AFG2A: variants seen among roughly 807,000 people sequenced by gnomAD.
AFG2A encodes ATPase family gene 2 protein homolog A.
chr4:123,036,006 A>G, the AFG2A span, among the ~76,000 whole-genome samples: 6 of 152,144 alleles, frequency 3.9e-5, no homozygotes, highest in African/African-American at 1.2e-4. Context: ...TTCTATCTCA[A>G]TTCCTTTTTG....
the AFG2A span, among the ~76,000 whole-genome samples, chr4:123,010,034 G>A: frequency 6.6e-6 from 1 of 152,064 alleles, no homozygotes; most frequent in African/African-American, 2.4e-5. Flanking sequence ...GAAGCCAGAA[G>A]GGAGAACAGT....
At chr4:122,941,063 G>A in the AFG2A span, among the ~76,000 whole-genome samples, 3 of 149,996 alleles carry the variant, frequency 2.0e-5, no homozygotes, top group African/African-American at 7.3e-5. Context: ...AAGTCAGGTA[G>A]CATGATGCCT....
chr4:123,031,507 C>T, the AFG2A span, among the ~76,000 whole-genome samples: 4 of 152,142 alleles, frequency 2.6e-5, no homozygotes, highest in African/African-American at 4.8e-5. Flanking sequence ...TTTTGTTCAA[C>T]CCAAATGTTT....
chr4:123,311,308 A>T, the AFG2A span, among the ~76,000 whole-genome samples: 1 of 152,120 alleles, frequency 6.6e-6, no homozygotes, highest in Non-Finnish European at 1.5e-5. Context: ...CCACCACAAA[A>T]CAACAACTTA....
At chr4:123,095,045 ATATATATAT>A in the AFG2A span, among the ~76,000 whole-genome samples, 1 of 84,326 alleles carries the variant, frequency 1.2e-5, no homozygotes, top group South Asian at 4.0e-4. Context: ...AAAAAAAAAT[ATATATATAT>A]ATATATATAT....
At chr4:123,018,844 A>G in the AFG2A span, among the ~76,000 whole-genome samples, 4 of 150,734 alleles carry the variant, frequency 2.7e-5, no homozygotes, top group Non-Finnish European at 5.9e-5. Context: ...GGGTTTCACC[A>G]TGTTGGCCAG....
the AFG2A span, among the ~76,000 whole-genome samples, chr4:123,246,321 G>A: frequency 2.6e-5 from 4 of 152,090 alleles, no homozygotes; most frequent in African/African-American, 9.7e-5. Context: ...TTAGGGCCTC[G>A]AAATTGTATT....
chr4:123,227,233 T>G, the AFG2A span, among the ~76,000 whole-genome samples: 1 of 152,144 alleles, frequency 6.6e-6, no homozygotes, highest in Admixed American at 6.5e-5. Context: ...TGATCTTAGT[T>G]ATTTCTTGCC....
At chr4:123,112,297 TAAAG>T in the AFG2A span, among the ~76,000 whole-genome samples, 2 of 152,308 alleles carry the variant, frequency 1.3e-5, no homozygotes, top group Admixed American at 6.5e-5. Context: ...AATAAGGAGA[TAAAG>T]AAAAACAAAA....
At chr4:123,068,372 A>G in the AFG2A span, among the ~76,000 whole-genome samples, 1 of 152,218 alleles carries the variant, frequency 6.6e-6, no homozygotes, top group Non-Finnish European at 1.5e-5. Flanking sequence ...AATGCAAAGA[A>G]TTATTGTCAC....
At chr4:122,998,558 G>A in the AFG2A span, among the ~76,000 whole-genome samples, 1,569 of 151,660 alleles carry the variant, frequency 0.01, 40 homozygotes, top group African/African-American at 0.035. Context: ...GAGAACATGC[G>A]GTGTTTGGTT....
At chr4:123,022,490 A>T in the AFG2A span, among the ~76,000 whole-genome samples, 1 of 150,926 alleles carries the variant, frequency 6.6e-6, no homozygotes, top group Non-Finnish European at 1.5e-5. Flanking sequence ...ATGAGATACC[A>T]TCTCACACCA....
At chr4:123,312,438 G>T in the AFG2A span, among the ~76,000 whole-genome samples, 3,035 of 152,284 alleles carry the variant, frequency 0.02, 66 homozygotes, top group South Asian at 0.09. Flanking sequence ...TCAGAAGGGT[G>T]TGGGTGGGGA....
chr4:122,934,743 G>C, the AFG2A span: 2 of 1,547,648 alleles, frequency 1.3e-6, no homozygotes, highest in Non-Finnish European at 1.7e-6. Flanking sequence ...GTTATGGTAT[G>C]ATGTCTTCAG....
chr4:123,102,810 G>GTGTA, the AFG2A span, among the ~76,000 whole-genome samples: 23 of 149,324 alleles, frequency 1.5e-4, no homozygotes, highest in Non-Finnish European at 2.9e-4. Flanking sequence ...GTGTGTGTGT[G>GTGTA]TGTGTGTGTG....
the AFG2A span, among the ~76,000 whole-genome samples, chr4:122,974,789 C>T: frequency 1.3e-5 from 2 of 151,980 alleles, no homozygotes; most frequent in Non-Finnish European, 2.9e-5. Flanking sequence ...TACAGGCATG[C>T]ACCACCACAC....
chr4:123,150,844 C>T, the AFG2A span, among the ~76,000 whole-genome samples: 1 of 152,110 alleles, frequency 6.6e-6, no homozygotes, highest in East Asian at 1.9e-4. Flanking sequence ...AAGCTGGAGA[C>T]GTCACACTAC....
At chr4:123,016,700 C>T in the AFG2A span, among the ~76,000 whole-genome samples, 21 of 152,066 alleles carry the variant, frequency 1.4e-4, no homozygotes, top group African/African-American at 5.1e-4. Context: ...CAGAGACGCT[C>T]CTCACTTCCC....
chr4:123,226,790 A>G, the AFG2A span, among the ~76,000 whole-genome samples: 335 of 152,300 alleles, frequency 2.2e-3, 2 homozygotes, highest in Middle Eastern at 0.014. Context: ...GAATGGTACC[A>G]GCTCCTCCTT....
Sources: allele counts gnomAD v4.1 joint callset (sites outside exome capture counted in the v4.1 genomes callset), GRCh38; gene constraint gnomAD v4.1.1; transcripts MANE v1.5; gene names NCBI Gene and HGNC (gene_info 2026-07-23, HGNC 2026-07-21).